The following MARCHF5 variants were observed in gnomAD, a reference collection of about 807,000 sequenced individuals.
MARCHF5 encodes the protein E3 ubiquitin-protein ligase MARCHF5.
In MARCHF5, 5 loss-of-function variants were observed where a neutral mutation model predicts 36.5. The ratio of observed to expected loss-of-function variants is 0.14; its 90% confidence interval spans 0.07 to 0.29. MARCHF5 has a LOEUF of 0.29. MARCHF5 is among the 10% of genes least tolerant of loss of function. MARCHF5 has a pLI of 1.00. For missense variants in MARCHF5, 179 were observed against 336.3 expected (o/e 0.53, Z 3.66); for synonymous variants, 103 against 109.9 (o/e 0.94, Z 0.39).
At chr10:92,302,672 G>A (rs749546518) in intron 1 of MARCHF5, among the ~76,000 whole-genome samples, 23 of 152,076 alleles carry the variant, frequency 1.5e-4, no homozygotes, top group African/African-American at 5.6e-4. Flanking sequence ...TCCAACTCCT[G>A]ACCTCAGGTG....
At chr10:92,311,613 A>C (rs1015302772) in intron 2 of MARCHF5, among the ~76,000 whole-genome samples, 1 of 152,212 alleles carries the variant, frequency 6.6e-6, no homozygotes, top group South Asian at 2.1e-4. Flanking sequence ...ATAATTGAAT[A>C]ACAAAGCTCT....
At chr10:92,340,857 C>A in intron 3 of MARCHF5, 54 bp downstream of exon 3, 5 of 1,401,786 alleles carry the variant, frequency 3.6e-6, no homozygotes, top group Non-Finnish European at 3.8e-6. Context: ...TCTATTAAAA[C>A]ATTTTTTGTT....
chr10:92,320,501 A>G (rs1170122230), intron 2 of MARCHF5, among the ~76,000 whole-genome samples: 1 of 152,086 alleles, frequency 6.6e-6, no homozygotes, highest in African/African-American at 2.4e-5. Context: ...TTGCCCCTGA[A>G]GACCTTCTAG....
intron 1 of MARCHF5, among the ~76,000 whole-genome samples, chr10:92,304,243 AC>A (rs1472954232): frequency 2.6e-5 from 4 of 152,300 alleles, no homozygotes; most frequent in African/African-American, 9.6e-5. Flanking sequence ...GAAAGCTGAC[AC>A]CATCACTGTC....
intron 2 of MARCHF5, among the ~76,000 whole-genome samples, chr10:92,320,528 G>A (rs1843278260): frequency 6.6e-6 from 1 of 152,080 alleles, no homozygotes; most frequent in African/African-American, 2.4e-5. Flanking sequence ...AAGATGTAGA[G>A]ATGGAAGACA....
intron 3 of MARCHF5, among the ~76,000 whole-genome samples, chr10:92,347,530 TA>T (rs780195107): frequency 2.0e-4 from 15 of 76,894 alleles, no homozygotes; most frequent in African/African-American, 4.2e-4. Flanking sequence ...AGATGATAGA[TA>T]TATAGATAGA....
intron 1 of MARCHF5, among the ~76,000 whole-genome samples, chr10:92,302,716 T>C (rs1284902320): frequency 1.3e-5 from 2 of 152,196 alleles, no homozygotes; most frequent in Non-Finnish European, 2.9e-5. Flanking sequence ...AGTGCTGGGA[T>C]TATAGGCGTG....
chr10:92,338,751 A>G (rs1335743390), intron 2 of MARCHF5, among the ~76,000 whole-genome samples: 2 of 152,198 alleles, frequency 1.3e-5, no homozygotes, highest in East Asian at 1.9e-4. Flanking sequence ...TTGTTCTTAC[A>G]TGTTTCATTA....
chr10:92,331,920 C>CGT (rs1491366722), intron 2 of MARCHF5, among the ~76,000 whole-genome samples: 9 of 56,408 alleles, frequency 1.6e-4, no homozygotes, highest in East Asian at 4.9e-4. Context: ...TATATATAAT[C>CGT]ATATATATGT....
chr10:92,312,309 A>T (rs1843153728), intron 2 of MARCHF5, among the ~76,000 whole-genome samples: 2 of 152,248 alleles, frequency 1.3e-5, no homozygotes, highest in Admixed American at 6.5e-5. Flanking sequence ...ATAAGGGCAA[A>T]CAAAATGTCC....
At chr10:92,309,144 A>C (rs1474370696) in intron 1 of MARCHF5, among the ~76,000 whole-genome samples, 1 of 152,258 alleles carries the variant, frequency 6.6e-6, no homozygotes. Flanking sequence ...AATATAGCAG[A>C]ATAAGAATTA....
chr10:92,326,318 T>A (rs562301097), intron 2 of MARCHF5, among the ~76,000 whole-genome samples: 4 of 152,180 alleles, frequency 2.6e-5, no homozygotes, highest in Non-Finnish European at 4.4e-5. Context: ...TTTAAACCTC[T>A]CGAAAGCTCT....
At chr10:92,311,401 C>T in intron 2 of MARCHF5, 64 bp downstream of exon 2, 1 of 1,162,858 alleles carries the variant, frequency 8.6e-7, no homozygotes, top group Admixed American at 2.8e-5. Context: ...TTTATAAGTT[C>T]ATTTTAAAAT....
intron 2 of MARCHF5, among the ~76,000 whole-genome samples, chr10:92,331,881 ATATATATGTATATATAAT>A: frequency 2.7e-5 from 1 of 37,578 alleles, no homozygotes; most frequent in African/African-American, 7.5e-5. Flanking sequence ...ATATATAATC[ATATATATGTATATATAAT>A]CATATATATG....
chr10:92,339,888 A>G (rs1390194172), intron 2 of MARCHF5, among the ~76,000 whole-genome samples: 1 of 152,164 alleles, frequency 6.6e-6, no homozygotes, highest in African/African-American at 2.4e-5. Context: ...ATAGAACATA[A>G]TTGGTACATA....
chr10:92,319,891 A>T (rs1194992512), intron 2 of MARCHF5, among the ~76,000 whole-genome samples: 1 of 143,210 alleles, frequency 7.0e-6, no homozygotes, highest in Non-Finnish European at 1.5e-5. Context: ...TGACCTCATG[A>T]TCTGCCCGTC....
Position 92,297,166 on chromosome 10 carries a change from C to CT in MARCHF5, c.35+5655dup, listed in dbSNP as rs767761093. Among the ~76,000 whole-genome samples the CT allele has an allele frequency of 9.3e-3, 1,287 of 137,836 alleles. 12 individuals are homozygous for CT. Among genetic ancestry groups the CT allele is most frequent in the East Asian group, 0.014 (66 of 4,814 alleles). 90.4% of individuals were successfully genotyped at this position (137,836 alleles called of 152,430 possible). Reference sequence around the variant, plus strand: ...TATAGAAAAGTATATTAATAGACTACTTTTTTTTTTTTTTTTTTGAGTCAG... The same window carrying CT: ...TATAGAAAAGTATATTAATAGACTACTTTTTTTTTTTTTTTTTTTGAGTCAG... On this transcript the variant is annotated intron_variant, in intron 1 of 5. Coordinates refer to ENST00000358935, the MANE Select transcript of MARCHF5 (RefSeq NM_017824.5).
intron 3 of MARCHF5, among the ~76,000 whole-genome samples, chr10:92,341,390 G>A (rs554556344): frequency 2.4e-4 from 36 of 151,972 alleles, no homozygotes; most frequent in Non-Finnish European, 4.6e-4. Context: ...GCGACAGAGC[G>A]AGACTCCATC....
At chr10:92,291,572 C>A in intron 1 of MARCHF5, 43 bp downstream of exon 1, 1 of 1,505,892 alleles carries the variant, frequency 6.6e-7, no homozygotes, top group Non-Finnish European at 8.9e-7. Flanking sequence ...CCGACCCTCG[C>A]TCTGGCCCTG....
Sources: allele counts gnomAD v4.1 joint callset (sites outside exome capture counted in the v4.1 genomes callset), GRCh38; gene constraint gnomAD v4.1.1; transcripts MANE v1.5; gene names NCBI Gene and HGNC (gene_info 2026-07-23, HGNC 2026-07-21).